Variants in HS2ST1 observed in about 807,000 individuals in gnomAD.
The protein encoded by HS2ST1 is 2-O-sulfotransferase.
Under a neutral mutation model 42.9 loss-of-function variants are expected in HS2ST1, and 18 were observed. The observed-to-expected ratio is 0.42, with a 90% CI of 0.29 to 0.62. HS2ST1 has a LOEUF of 0.62. HS2ST1 is among the 20% of genes least tolerant of loss of function. The probability of loss-of-function intolerance (pLI) is 0.21; values close to 1 mark genes in which losing one functional copy is unlikely to be tolerated. For missense variants in HS2ST1, 334 were observed against 433.8 expected (o/e 0.77, Z 2.04); for synonymous variants, 146 against 152.9 (o/e 0.95, Z 0.33).
chr1:86,929,040 T>C (rs898716868), intron 1 of HS2ST1, among the ~76,000 whole-genome samples: 4 of 151,936 alleles, frequency 2.6e-5, no homozygotes, highest in Non-Finnish European at 5.9e-5. Context: ...CTAACAGTTA[T>C]GGAGTACTTA....
intron 2 of HS2ST1, among the ~76,000 whole-genome samples, chr1:87,076,748 T>A (rs927523487): frequency 4.0e-5 from 6 of 148,530 alleles, no homozygotes; most frequent in Non-Finnish European, 7.5e-5. Flanking sequence ...CCATACCATA[T>A]ATGTGATTAG....
intron 1 of HS2ST1, among the ~76,000 whole-genome samples, chr1:87,068,956 A>G (rs1185492431): frequency 6.6e-6 from 1 of 152,186 alleles, no homozygotes; most frequent in Non-Finnish European, 1.5e-5. Flanking sequence ...ACTCCTGAGT[A>G]GCAGTAGCTG....
chr1:87,040,197 G>C (rs1410604038), intron 1 of HS2ST1, among the ~76,000 whole-genome samples: 1 of 152,058 alleles, frequency 6.6e-6, no homozygotes. Flanking sequence ...CATGTTTGTG[G>C]AAAATTAGAA....
intron 1 of HS2ST1, among the ~76,000 whole-genome samples, chr1:86,978,076 A>ACAATTGCC (rs1340480149): frequency 2.0e-5 from 3 of 152,224 alleles, no homozygotes; most frequent in African/African-American, 7.2e-5. Context: ...CCATTGTGTT[A>ACAATTGCC]CAATTGCCTA....
rs1250028442 is a variant in HS2ST1, at chr1:87,109,536, T to A, written c.*4840T>A. 6.6e-6 allele frequency: 1 copy of A among 151,976 alleles called. No individual in the cohort carries two copies. The highest frequency in any genetic ancestry group is 1.5e-5 in the Non-Finnish European group (1 of 67,936). 9.4% of individuals were successfully genotyped at this position (151,976 alleles called of 1,614,324 possible). A position where few individuals can be genotyped will look rare whatever the true frequency, so the allele number is the denominator to read the frequency against. On this transcript the variant is annotated 3_prime_UTR_variant, in exon 7 of 7. Transcript: ENST00000370550. ...TGGCACAGTTTGGACATATCCATAATTTTTTTTGGGAACACACATTTCTGA... is the reference window on the plus strand; with the variant it reads ...TGGCACAGTTTGGACATATCCATAAATTTTTTTGGGAACACACATTTCTGA...
At position 86,969,798 on chromosome 1, in the gene HS2ST1, T is replaced by A. The variant is rs6696808; in HGVS notation, c.124+54638T>A. The stretch of plus-strand genomic sequence containing the variant: ...CTTTTAGCAGTAACTTGTTTACTGA[T>A]AAGACTGAGTTATATAAAATATTTT... On this transcript the variant is annotated intron_variant, in intron 1 of 6. Coordinates refer to ENST00000370550, the MANE Select transcript of HS2ST1 (RefSeq NM_012262.4). Among the ~76,000 whole-genome samples, 4 of 151,760 alleles carry A rather than the reference T, an allele frequency of 2.6e-5. No individual in the cohort carries two copies. The South Asian group carries it at 8.3e-4, about 31-fold the overall frequency.
chr1:86,998,402 G>A (rs987725702), intron 1 of HS2ST1, among the ~76,000 whole-genome samples: 4 of 152,148 alleles, frequency 2.6e-5, no homozygotes, highest in African/African-American at 9.7e-5. Flanking sequence ...AAATATGCTT[G>A]TCTAAGTCAA....
At chr1:87,040,273 C>T (rs1169967722) in intron 1 of HS2ST1, among the ~76,000 whole-genome samples, 1 of 152,068 alleles carries the variant, frequency 6.6e-6, no homozygotes, top group East Asian at 1.9e-4. Context: ...CTCTGTCTCC[C>T]CCTCCCCGCT....
chr1:87,073,970 A>G (rs1651479136), intron 2 of HS2ST1, among the ~76,000 whole-genome samples: 2 of 152,344 alleles, frequency 1.3e-5, no homozygotes, highest in African/African-American at 4.8e-5. Flanking sequence ...CTGTAGTTAC[A>G]ATGATATTTA....
At chr1:86,928,096 T>G (rs1660459355) in intron 1 of HS2ST1, among the ~76,000 whole-genome samples, 1 of 152,226 alleles carries the variant, frequency 6.6e-6, no homozygotes, top group South Asian at 2.1e-4. Context: ...CAAACTAAAA[T>G]CTTGCTGCAA....
chr1:86,925,373 G>GT (rs1384002206), intron 1 of HS2ST1, among the ~76,000 whole-genome samples: 1 of 152,070 alleles, frequency 6.6e-6, no homozygotes, highest in Non-Finnish European at 1.5e-5. Flanking sequence ...ACATTTTTGG[G>GT]TATCTTTTCA....
rs773095663 is a variant in HS2ST1, at chr1:87,092,650, G to A, written c.569G>A (p.Arg190Gln). 2.0e-6 allele frequency: 3 copies of A among 1,530,924 alleles called. No individual in the cohort carries two copies. The highest frequency in any genetic ancestry group is 2.6e-6 in the Non-Finnish European group (3 of 1,144,820). 94.8% of individuals were successfully genotyped at this position (1,530,924 alleles called of 1,614,324 possible). Residue 190 changes from arginine to glutamine, a missense_variant, in exon 4 of 7, where the codon CGA becomes CAA. Physicochemically the swap from Arg to Gln is conservative, Grantham distance 43. Coordinates refer to ENST00000370550, the MANE Select transcript of HS2ST1 (RefSeq NM_012262.4). The stretch of plus-strand genomic sequence containing the variant: ...GATTATAGACCAGGGTTACGGAGAC[G>A]AAAACAAGGAGACAAAAAGGTAATA... ...GDDYRPGLRR[R>Q]KQGDKKTFDE...
At chr1:87,035,406 A>T (rs570767823) in intron 1 of HS2ST1, among the ~76,000 whole-genome samples, 1 of 152,292 alleles carries the variant, frequency 6.6e-6, no homozygotes, top group South Asian at 2.1e-4. Flanking sequence ...GTACTCAGGG[A>T]GAATAAATGA....
At chr1:87,097,296 A>C (rs949061210) in intron 4 of HS2ST1, among the ~76,000 whole-genome samples, 1 of 152,260 alleles carries the variant, frequency 6.6e-6, no homozygotes, top group Non-Finnish European at 1.5e-5. Flanking sequence ...AGTTATGTAG[A>C]TAAAGATATA....
At chr1:86,988,489 T>C (rs943734247) in intron 1 of HS2ST1, among the ~76,000 whole-genome samples, 1 of 152,230 alleles carries the variant, frequency 6.6e-6, no homozygotes, top group Admixed American at 6.5e-5. Flanking sequence ...AGTGCATTAA[T>C]TGTCATTTAT....
At chr1:86,943,015 GT>G (rs1660796139) in intron 1 of HS2ST1, among the ~76,000 whole-genome samples, 1 of 152,030 alleles carries the variant, frequency 6.6e-6, no homozygotes, top group South Asian at 2.1e-4. Flanking sequence ...AACATGATAT[GT>G]TAGTAGTTTC....
In HS2ST1 at chr1:86,939,274, A is replaced by C. The variant is rs998754987; in HGVS notation, c.124+24114A>C. Among the ~76,000 whole-genome samples the C allele has an allele frequency of 2.6e-5, 4 of 152,214 alleles. No individual in the cohort carries two copies. The East Asian group carries it at 7.7e-4, about 29-fold the overall frequency. Reference sequence around the variant, plus strand: ...TAAAGCTTAGTTGTAGCTGTGTACAATAATCAGTTGTAAAAAGGTGTTTCC... The same window carrying C: ...TAAAGCTTAGTTGTAGCTGTGTACACTAATCAGTTGTAAAAAGGTGTTTCC... On this transcript the variant is annotated intron_variant, in intron 1 of 6. Coordinates refer to ENST00000370550, the MANE Select transcript of HS2ST1 (RefSeq NM_012262.4).
intron 1 of HS2ST1, among the ~76,000 whole-genome samples, chr1:87,067,319 C>A (rs1651279046): frequency 6.6e-6 from 1 of 152,146 alleles, no homozygotes; most frequent in Admixed American, 6.5e-5. Flanking sequence ...TCTCTAATTA[C>A]CAGTGATGAT....
At chr1:86,932,792 T>A (rs1236544751) in intron 1 of HS2ST1, among the ~76,000 whole-genome samples, 1 of 152,146 alleles carries the variant, frequency 6.6e-6, no homozygotes, top group African/African-American at 2.4e-5. Flanking sequence ...CCTGTCTTTC[T>A]CAGAAGCTTC....
Sources: allele counts gnomAD v4.1 joint callset (sites outside exome capture counted in the v4.1 genomes callset), GRCh38; gene constraint gnomAD v4.1.1; transcripts MANE v1.5; gene names NCBI Gene and HGNC (gene_info 2026-07-23, HGNC 2026-07-21).